MDGA2: variants seen among roughly 807,000 people sequenced by gnomAD.
MDGA2 encodes the protein MAM domain-containing glycosylphosphatidylinositol anchor protein 2.
A neutral mutation model predicts 117.8 loss-of-function variants in MDGA2; 40 were observed. The ratio of observed to expected loss-of-function variants is 0.34; its 90% CI spans 0.26 to 0.44. MDGA2 has a LOEUF of 0.44. Among genes scored for constraint, MDGA2 ranks in the 20% least tolerant of loss-of-function variants. The probability of loss-of-function intolerance (pLI) is 1.00; values close to 1 mark genes in which losing one functional copy is unlikely to be tolerated. For missense variants in MDGA2, 1,123 were observed against 1,250.6 expected (o/e 0.90, Z 1.54); for synonymous variants, 452 against 439.0 (o/e 1.03, Z -0.37).
chr14:47,477,916 C>A (rs1256057561), intron 1 of MDGA2, among the ~76,000 whole-genome samples: 2 of 152,200 alleles, frequency 1.3e-5, no homozygotes, highest in East Asian at 3.9e-4. Context: ...GGTTAAGGCA[C>A]CTGTCCATGC....
intron 1 of MDGA2, among the ~76,000 whole-genome samples, chr14:47,612,213 T>TAGATAGAC (rs1555336294): frequency 7.5e-6 from 1 of 133,044 alleles, no homozygotes; most frequent in Non-Finnish European, 1.6e-5. Context: ...GATAGACAGA[T>TAGATAGAC]AGATAGATAG....
At chr14:47,495,494 C>A (rs1426559763) in intron 1 of MDGA2, among the ~76,000 whole-genome samples, 1 of 152,058 alleles carries the variant, frequency 6.6e-6, no homozygotes, top group Admixed American at 6.6e-5. Flanking sequence ...TATAATTCCC[C>A]CACAGGTAAT....
At chr14:47,089,723 C>T (rs1891039118) in intron 6 of MDGA2, among the ~76,000 whole-genome samples, 1 of 151,926 alleles carries the variant, frequency 6.6e-6, no homozygotes, top group African/African-American at 2.4e-5. Context: ...AGGATGAGTT[C>T]ATGTCCTTTG....
chr14:47,587,813 C>T (rs1373200288), intron 1 of MDGA2, among the ~76,000 whole-genome samples: 1 of 151,892 alleles, frequency 6.6e-6, no homozygotes, highest in Non-Finnish European at 1.5e-5. Context: ...TTGCCACAAT[C>T]TAATTCCAGA....
intron 1 of MDGA2, among the ~76,000 whole-genome samples, chr14:47,423,223 A>G (rs1357105568): frequency 6.6e-6 from 1 of 152,154 alleles, no homozygotes; most frequent in Non-Finnish European, 1.5e-5. Flanking sequence ...TACTCTTCTT[A>G]TTGGTCATAA....
At chr14:47,561,873 T>G (rs1022327751) in intron 1 of MDGA2, among the ~76,000 whole-genome samples, 1 of 152,244 alleles carries the variant, frequency 6.6e-6, no homozygotes, top group Non-Finnish European at 1.5e-5. Context: ...CTGTCATAGA[T>G]GGCTCTTATT....
At chr14:46,929,609 A>G (rs1288038549) in intron 9 of MDGA2, among the ~76,000 whole-genome samples, 366 of 12,552 alleles carry the variant, frequency 0.029, 13 homozygotes, top group African/African-American at 0.11. Context: ...GTGTATATAT[A>G]TATATATATA....
chr14:47,609,139 G>A (rs956574710), intron 1 of MDGA2, among the ~76,000 whole-genome samples: 3 of 151,416 alleles, frequency 2.0e-5, no homozygotes, highest in Admixed American at 1.3e-4. Context: ...GGTGATTGGT[G>A]AGGTTTTGGA....
chr14:46,894,382 G>A (rs967568189), intron 10 of MDGA2, among the ~76,000 whole-genome samples: 1 of 151,922 alleles, frequency 6.6e-6, no homozygotes, highest in African/African-American at 2.4e-5. Flanking sequence ...CCTGACAAAT[G>A]TGTGCTTTAT....
intron 1 of MDGA2, among the ~76,000 whole-genome samples, 159 bp from the exon 2 acceptor site, chr14:47,301,709 T>G (rs1889291611): frequency 1.3e-5 from 2 of 152,152 alleles, no homozygotes; most frequent in African/African-American, 4.8e-5. Context: ...CATTAAAGAT[T>G]TTGCTGGAAG....
chr14:47,067,046 C>T (rs1257968587), intron 6 of MDGA2, among the ~76,000 whole-genome samples: 5 of 152,120 alleles, frequency 3.3e-5, no homozygotes, highest in Non-Finnish European at 7.4e-5. Context: ...ACCCGGGAAC[C>T]GGAGGTTGCA....
chr14:47,106,436 C>T (rs13379056), intron 5 of MDGA2, among the ~76,000 whole-genome samples: 60,904 of 151,524 alleles, frequency 0.4, 12,406 homozygotes, highest in South Asian at 0.54. Context: ...CCAGAACCTC[C>T]TCCCACAGGA....
At chr14:47,443,272 A>G (rs1893051060) in intron 1 of MDGA2, among the ~76,000 whole-genome samples, 1 of 152,146 alleles carries the variant, frequency 6.6e-6, no homozygotes, top group South Asian at 2.1e-4. Context: ...ATAAATGCTC[A>G]ATTAAGATAT....
At chr14:47,357,338 T>A (rs1891017953) in intron 1 of MDGA2, among the ~76,000 whole-genome samples, 1 of 152,088 alleles carries the variant, frequency 6.6e-6, no homozygotes, top group Admixed American at 6.5e-5. Context: ...CCTAAAAAAA[T>A]TTCACCCTAT....
intron 6 of MDGA2, among the ~76,000 whole-genome samples, chr14:47,076,899 T>C (rs1890516812): frequency 6.6e-6 from 1 of 152,150 alleles, no homozygotes; most frequent in Admixed American, 6.5e-5. Context: ...TTGAAATTTA[T>C]GTGACCTGGA....
chr14:47,058,536 T>C (rs1025432979), intron 7 of MDGA2: 7 of 984,476 alleles, frequency 7.1e-6, no homozygotes, highest in Non-Finnish European at 8.4e-6. Context: ...TTGTATGCTA[T>C]AGCTTATTCA....
rs142340859 is a variant in MDGA2 at position 47,121,933 on chromosome 14, T to C, written c.925+9781A>G. ...TTAAGAAATAATCATGTAAGCCCCATGTATAAAAGGATAATAGCACAATCA... is the reference window on the plus strand; with the variant it reads ...TTAAGAAATAATCATGTAAGCCCCACGTATAAAAGGATAATAGCACAATCA... On this transcript the variant is annotated intron_variant, in intron 5 of 16. Coordinates refer to ENST00000399232, the MANE Select transcript of MDGA2 (RefSeq NM_001113498.3). Among the ~76,000 whole-genome samples the C allele has an allele frequency of 1.1e-3, 170 of 152,094 alleles. 1 individual carries two copies. The East Asian group carries it at 0.028, about 25-fold the overall frequency.
chr14:47,191,531 T>A (rs1271094552), intron 3 of MDGA2, among the ~76,000 whole-genome samples: 1 of 151,742 alleles, frequency 6.6e-6, no homozygotes, highest in African/African-American at 2.4e-5. Context: ...AAAGTTTCAG[T>A]TGTCACATCA....
At chr14:47,487,077 C>T (rs548795448) in intron 1 of MDGA2, among the ~76,000 whole-genome samples, 2 of 152,168 alleles carry the variant, frequency 1.3e-5, no homozygotes, top group Non-Finnish European at 2.9e-5. Context: ...AAAATAACTG[C>T]TCATTTTGAA....
Sources: gnomAD v4.1 joint callset for allele counts (sites outside exome capture counted in the v4.1 genomes callset) on GRCh38, gnomAD v4.1.1 for gene constraint, MANE v1.5 for transcripts, NCBI Gene and HGNC (gene_info 2026-07-23, HGNC 2026-07-21) for gene names.